The following POLQ variants were observed in gnomAD, a reference collection of about 807,000 sequenced individuals.
POLQ encodes DNA polymerase theta.
A neutral mutation model predicts 259.2 loss-of-function variants in POLQ; 233 were observed. The ratio of observed to expected loss-of-function variants is 0.90; its 90% CI spans 0.81 to 1.00. The LOEUF is 1.00. Ranked by LOEUF, POLQ falls within the 50% of genes least tolerant of loss-of-function variation. The pLI, the probability that POLQ is intolerant of heterozygous loss-of-function variation, is 0.00. For missense variants in POLQ, 2,871 were observed against 3,051.6 expected (o/e 0.94, Z 1.39); for synonymous variants, 1,025 against 1,048.8 (o/e 0.98, Z 0.44).
At chr3:121,521,957 T>C in intron 8 of POLQ, 46 bp downstream of exon 8, 2 of 1,286,644 alleles carry the variant, frequency 1.6e-6, no homozygotes, top group Non-Finnish European at 2.2e-6. Flanking sequence ...TAAGACAGTA[T>C]GAGGAATTTT....
chr3:121,535,208 G>C (rs1048339647), intron 5 of POLQ, among the ~76,000 whole-genome samples: 21 of 152,130 alleles, frequency 1.4e-4, no homozygotes, highest in African/African-American at 4.8e-4. Flanking sequence ...ATTAAAAATA[G>C]ACCAACACCA....
chr3:121,467,530 A>G lies in POLQ; in HGVS notation c.6956T>C (p.Val2319Ala), dbSNP rs771249820. ...ATCAGCCACCTTACCTGGGAAAGGC[A>G]CAAAGGCATGTCGCATGCTAATTGA... ...PFSISMRHAF[V>A]PFPGGSILAA... Residue 2319 changes from valine to alanine, a missense_variant, in exon 24 of 30, where the codon GTG becomes GCG. Coordinates refer to ENST00000264233, the MANE Select transcript of POLQ (RefSeq NM_199420.4). The G allele has an allele frequency of 3.1e-6, 5 of 1,613,874 alleles. No individual in the cohort carries two copies. The African/African-American group carries it at 6.7e-5, about 22-fold the overall frequency.
chr3:121,434,717 T>C (rs1295217743), intron 28 of POLQ, among the ~76,000 whole-genome samples: 1 of 152,212 alleles, frequency 6.6e-6, no homozygotes, highest in African/African-American at 2.4e-5. Flanking sequence ...GCTGTATTAT[T>C]CTCTATAACC....
chr3:121,487,467 A>G lies in POLQ; in HGVS notation c.5464T>C (p.Ser1822Pro), dbSNP rs2048021489. The G allele has an allele frequency of 6.2e-7, 1 of 1,614,098 alleles. No individual in the cohort carries two copies. The highest frequency in any genetic ancestry group is 8.5e-7 in the Non-Finnish European group (1 of 1,180,000). The change falls in exon 16 of 30, where the codon TCA becomes CCA. Residue 1822 changes from serine (S) to proline (P), a missense_variant. Physicochemically the swap from Ser to Pro is moderately conservative, Grantham distance 74. Transcript: ENST00000264233. ...GLQLTPASSS[S>P]ESLSIIDVAS... ...ACATCAATTATGGACAAACTTTCTG[A>G]ACTGCTTGAGGCTGGAGTTAACTGT...
intron 25 of POLQ, among the ~76,000 whole-genome samples, chr3:121,449,882 GA>G (rs200226772): frequency 6.6e-6 from 1 of 150,710 alleles, no homozygotes; most frequent in Non-Finnish European, 1.5e-5. Context: ...GACTTAACTG[GA>G]AAAAAAAATC....
intron 7 of POLQ, among the ~76,000 whole-genome samples, chr3:121,526,510 T>C (rs1032066640): frequency 5.9e-5 from 9 of 152,236 alleles, no homozygotes; most frequent in Admixed American, 6.5e-5. Context: ...GCAATTTTTT[T>C]TTCTCAGAAT....
At chr3:121,467,029 G>T (rs963704788) in intron 24 of POLQ, among the ~76,000 whole-genome samples, 1 of 152,178 alleles carries the variant, frequency 6.6e-6, no homozygotes, top group East Asian at 1.9e-4. Flanking sequence ...TTGAGGAGGG[G>T]TCAGGCAGAA....
chr3:121,436,133 C>T lies in POLQ; in HGVS notation c.7532G>A (p.Ser2511Asn). 1 of 1,613,656 alleles carries T rather than the reference C, an allele frequency of 6.2e-7. No homozygotes were observed. The highest frequency in any genetic ancestry group is 1.7e-5 in the Admixed American group (1 of 60,000). The change falls in exon 28 of 30, where the codon AGT becomes AAT. Residue 2511 changes from serine to asparagine, a missense_variant. By Grantham distance (46) the Ser-to-Asn change is conservative. Coordinates refer to ENST00000264233, the MANE Select transcript of POLQ (RefSeq NM_199420.4). ...SHGHREGMLQSDQTGLSRKRK... is the reference protein window; with the variant it reads ...SHGHREGMLQNDQTGLSRKRK... ...ATCTATGAACAAACCTGTTTGGTCA[C>T]TTTGGAGCATACCCTCTCGATGACC...
rs199567264 is a variant in POLQ, at chr3:121,476,546, G to A, written c.6399C>T (p.Ile2133=). 1.6e-5 allele frequency: 26 copies of A among 1,610,662 alleles called. No individual in the cohort carries two copies. The highest frequency in any genetic ancestry group is 1.6e-4 in the African/African-American group (12 of 74,774). Residue 2133 remains isoleucine (I), a synonymous_variant, in exon 20 of 30, where the codon ATC becomes ATT. Transcript: ENST00000264233. ...CCTAGCCCCATGATACAACCTCAGC[G>A]ATGTCATCTGAACTGGTGAAAGAAA... The part of the protein sequence containing the change: ...HSFSFTSSDD[I]AEVLFLELKL...
chr3:121,498,217 G>A (rs1380246317), intron 13 of POLQ, among the ~76,000 whole-genome samples: 1 of 151,996 alleles, frequency 6.6e-6, no homozygotes, highest in Non-Finnish European at 1.5e-5. Flanking sequence ...GGCTGAGGCA[G>A]CAGAATCGCT....
chr3:121,499,077 T>C (rs2048146622), intron 12 of POLQ, among the ~76,000 whole-genome samples: 1 of 151,906 alleles, frequency 6.6e-6, no homozygotes, highest in Non-Finnish European at 1.5e-5. Context: ...CAAGACTCCA[T>C]CTCAAAAAAA....
intron 27 of POLQ, among the ~76,000 whole-genome samples, chr3:121,437,509 C>A (rs1276979699): frequency 6.6e-6 from 1 of 152,292 alleles, no homozygotes; most frequent in Non-Finnish European, 1.5e-5. Flanking sequence ...CTACTTTATA[C>A]CCACCAGAAT....
At chr3:121,495,072 G>A (rs1387530612) in intron 14 of POLQ, among the ~76,000 whole-genome samples, 2 of 151,848 alleles carry the variant, frequency 1.3e-5, no homozygotes, top group African/African-American at 2.4e-5. Flanking sequence ...AGGACTTTGA[G>A]ACCAGCCTGA....
Position 121,502,970 on chromosome 3 carries a change from A to G in POLQ, c.1960-4300T>C, listed in dbSNP as rs115949707. 1.9e-3 allele frequency among the ~76,000 whole-genome samples: 290 copies of G among 152,324 alleles called. 1 individual carries two copies. The highest frequency in any genetic ancestry group is 6.8e-3 in the African/African-American group (281 of 41,578). On this transcript the variant is annotated intron_variant, in intron 12 of 29. Coordinates refer to ENST00000264233, the MANE Select transcript of POLQ (RefSeq NM_199420.4). Reference sequence around the variant, plus strand: ...AAAATGGCAAAAAATATAGAGAAAAATGTACAAAATTAAAATGTTATAGTG... The same window carrying G: ...AAAATGGCAAAAAATATAGAGAAAAGTGTACAAAATTAAAATGTTATAGTG...
chr3:121,476,622 G>C lies in POLQ; in HGVS notation c.6323C>G (p.Ala2108Gly). The C allele has an allele frequency of 6.2e-7, 1 of 1,613,916 alleles. No homozygotes were observed. The highest frequency in any genetic ancestry group is 8.5e-7 in the Non-Finnish European group (1 of 1,179,866). The change falls in exon 20 of 30, where the codon GCC (alanine) becomes GGC (glycine). Residue 2108 changes from alanine (A) to glycine (G), a missense_variant. Around this residue, in one of 3 missense-constraint regions of POLQ, gnomAD observed 2,080 missense variants for 2,126.0 expected, o/e 0.98. Coordinates refer to ENST00000264233, the MANE Select transcript of POLQ (RefSeq NM_199420.4). ...CTGGGTCTCAATTGCATCCAGCTTG[G>C]CTTGCATTATATGTTTCTGACTTTC... ...ECESQKHIMQ[A>G]KLDAIETQAY... is the part of the protein sequence containing the mutation.
At chr3:121,503,337 G>C (rs6793252) in intron 12 of POLQ, among the ~76,000 whole-genome samples, 105,124 of 152,052 alleles carry the variant, frequency 0.69, 36,526 homozygotes, top group East Asian at 0.89. Context: ...AATGAAATTA[G>C]CTAAAGATGC....
chr3:121,476,455 T>TACAC (rs71678533), intron 20 of POLQ, 85 bp downstream of exon 20: 30,198 of 726,576 alleles, frequency 0.042, 559 homozygotes, highest in African/African-American at 0.14. Flanking sequence ...TTCAGGTAAA[T>TACAC]ACACACACAC....
intron 9 of POLQ, among the ~76,000 whole-genome samples, chr3:121,513,378 C>T (rs2048269676): frequency 6.7e-6 from 1 of 149,742 alleles, no homozygotes; most frequent in South Asian, 2.1e-4. Flanking sequence ...CCGAGGAGGG[C>T]AGATCACGAG....
intron 24 of POLQ, among the ~76,000 whole-genome samples, chr3:121,464,698 T>C (rs2047821385): frequency 6.6e-6 from 1 of 152,200 alleles, no homozygotes; most frequent in Non-Finnish European, 1.5e-5. Flanking sequence ...GTCAAAGTTA[T>C]AACTTTGTTT....
Sources: gnomAD v4.1 joint callset for allele counts (sites outside exome capture counted in the v4.1 genomes callset) on GRCh38, gnomAD v4.1.1 for gene constraint, gnomAD v4.1.1 regional missense constraint, MANE v1.5 for transcripts, NCBI Gene and HGNC (gene_info 2026-07-23, HGNC 2026-07-21) for gene names.